The following MYOF variants were observed in gnomAD, a reference collection of about 807,000 sequenced individuals.
MYOF encodes the protein myoferlin.
MYOF carries 244 observed loss-of-function variants against 284.2 expected under a neutral mutation model. The ratio of observed to expected loss-of-function variants is 0.86; its 90% CI spans 0.77 to 0.95. MYOF has a LOEUF of 0.95. MYOF is among the 40% of genes least tolerant of loss of function. The pLI, the probability that MYOF is intolerant of heterozygous loss-of-function variation, is 0.00. For synonymous variants in MYOF, 904 were observed against 919.7 expected (o/e 0.98, Z 0.31); for missense variants, 2,496 against 2,560.6 (o/e 0.97, Z 0.54).
chr10:93,392,429 A>G (rs577591072), intron 17 of MYOF, among the ~76,000 whole-genome samples: 1 of 152,326 alleles, frequency 6.6e-6, no homozygotes, highest in Admixed American at 6.5e-5. Context: ...ACTTGCAAAA[A>G]ATGACGAGTT....
intron 37 of MYOF, among the ~76,000 whole-genome samples, chr10:93,346,959 C>T (rs1844211257): frequency 6.6e-6 from 1 of 152,186 alleles, no homozygotes; most frequent in South Asian, 2.1e-4. Flanking sequence ...CCCTGCTTTG[C>T]AAGCTGCTTG....
rs146225814 is a variant in MYOF at position 93,325,937 on chromosome 10, G to A, written c.5160C>T (p.Leu1720=). 2.5e-4 allele frequency: 404 copies of A among 1,614,060 alleles called. No individual in the cohort carries two copies. The highest frequency in any genetic ancestry group is 5.8e-4 in the Admixed American group (35 of 60,008). ...GAGCAAGCCGCTCTTCAGGGGCCCC[G>A]AGGTGCTGGTGCAGGATTTTGTTGG... is the stretch of plus-strand genomic sequence containing the variant. ...FEANKILHQH[L]GAPEERLALH... The change falls in exon 46 of 54, where the codon CTC becomes CTT. Residue 1720 remains leucine, a synonymous_variant. Coordinates refer to ENST00000359263, the MANE Select transcript of MYOF (RefSeq NM_013451.4).
intron 1 of MYOF, among the ~76,000 whole-genome samples, chr10:93,476,453 T>C (rs1455526890): frequency 3.3e-5 from 5 of 151,998 alleles, no homozygotes; most frequent in African/African-American, 9.7e-5. Context: ...GGTTTCACCA[T>C]GTTGGCCAGG....
At chr10:93,369,495 C>A (rs534001769) in intron 25 of MYOF, 150 bp downstream of exon 25, 1 of 1,081,652 alleles carries the variant, frequency 9.2e-7, no homozygotes, top group South Asian at 1.7e-5. Flanking sequence ...TCTCTTATCC[C>A]TTAGGTTAAG....
chr10:93,407,195 G>A (rs984066335), intron 7 of MYOF, among the ~76,000 whole-genome samples: 2 of 152,070 alleles, frequency 1.3e-5, no homozygotes, highest in African/African-American at 4.8e-5. Flanking sequence ...GGAGGCCAAG[G>A]TAGGTGGAAC....
chr10:93,353,544 T>A (rs2133896269), intron 32 of MYOF, among the ~76,000 whole-genome samples: 1 of 152,256 alleles, frequency 6.6e-6, no homozygotes, highest in South Asian at 2.1e-4. Context: ...AGAAATCACT[T>A]TCTCGGTGCT....
At chr10:93,327,501 G>C (rs911146888) in intron 45 of MYOF, among the ~76,000 whole-genome samples, 2 of 152,042 alleles carry the variant, frequency 1.3e-5, no homozygotes, top group African/African-American at 4.8e-5. Context: ...AAAACTGTGA[G>C]GAAAACAAAA....
At chr10:93,323,517 G>A (rs1842923347) in intron 46 of MYOF, 159 bp from the exon 47 acceptor site, 3 of 680,476 alleles carry the variant, frequency 4.4e-6, no homozygotes, top group African/African-American at 3.6e-5. Flanking sequence ...GCAAACCAAG[G>A]TTAATCTTTT....
chr10:93,451,336 G>GA (rs2056584538), intron 3 of MYOF, among the ~76,000 whole-genome samples: 2 of 151,992 alleles, frequency 1.3e-5, no homozygotes, highest in South Asian at 4.1e-4. Context: ...TCAAAAAAAA[G>GA]AAAAAAACCT....
intron 38 of MYOF, among the ~76,000 whole-genome samples, chr10:93,340,825 C>T (rs1368048368): frequency 1.3e-5 from 2 of 152,050 alleles, no homozygotes; most frequent in East Asian, 1.9e-4. Flanking sequence ...GAATGAAGAA[C>T]TGGGAAGGGG....
intron 45 of MYOF, among the ~76,000 whole-genome samples, chr10:93,327,113 G>T (rs1214983504): frequency 6.6e-6 from 1 of 152,008 alleles, no homozygotes; most frequent in Non-Finnish European, 1.5e-5. Context: ...GTTTTCTGGG[G>T]ACCCTCACTC....
chr10:93,405,954 T>C (rs1847544039), intron 7 of MYOF, among the ~76,000 whole-genome samples: 1 of 149,432 alleles, frequency 6.7e-6, no homozygotes, highest in Admixed American at 6.7e-5. Context: ...CCCATCACCA[T>C]GCCAGGCTAA....
chr10:93,432,086 A>C lies in MYOF; in HGVS notation c.237-570T>G, dbSNP rs1848899004. ...GTCATGAATGAGATAGAGGGGCAAG[A>C]GGTAAAGACTGAATAGAGTGGCCAG... On this transcript the variant is annotated intron_variant, in intron 3 of 53. Transcript: ENST00000359263. Among the ~76,000 whole-genome samples, 3 of 152,162 alleles carry C rather than the reference A, an allele frequency of 2.0e-5. No individual in the cohort carries two copies. The South Asian group carries it at 6.2e-4, about 32-fold the overall frequency.
chr10:93,366,339 T>C lies in MYOF; in HGVS notation c.2753+53A>G. On this transcript the variant is annotated intron_variant, in intron 26 of 53. Transcript: ENST00000359263. ...CGGAGATATAATATATTTAGCAATT[T>C]CTAGAGAAAGATTTCATTGCTATCC... 2.6e-6 allele frequency: 4 copies of C among 1,567,068 alleles called. No homozygotes were observed. In the South Asian group the frequency reaches 4.6e-5, roughly 18 times the overall value.
chr10:93,343,599 G>A (rs1314906827), intron 38 of MYOF, among the ~76,000 whole-genome samples: 2 of 152,190 alleles, frequency 1.3e-5, no homozygotes, highest in African/African-American at 2.4e-5. Context: ...GGGAGGTGGG[G>A]CCTGGGCATG....
chr10:93,441,973 T>C (rs1018513703), intron 3 of MYOF, among the ~76,000 whole-genome samples: 1 of 148,750 alleles, frequency 6.7e-6, no homozygotes, highest in Non-Finnish European at 1.5e-5. Flanking sequence ...ACTTTCAAGT[T>C]TTAGCACCCT....
chr10:93,349,153 A>T (rs1162972915), intron 36 of MYOF, among the ~76,000 whole-genome samples: 5 of 151,008 alleles, frequency 3.3e-5, no homozygotes, highest in African/African-American at 1.2e-4. Context: ...AAAAAGAAAG[A>T]TTTTTTTTTT....
rs1589501292 is a variant in MYOF at position 93,397,066 on chromosome 10, G to A, written c.1334+181C>T. 9 of 508,622 alleles carry A rather than the reference G, an allele frequency of 1.8e-5. No homozygotes were observed. The East Asian group carries it at 2.3e-4, about 13-fold the overall frequency. 31.5% of individuals were successfully genotyped at this position (508,622 alleles called of 1,614,324 possible). A position where few individuals can be genotyped will look rare whatever the true frequency, so the allele number is the denominator to read the frequency against. On this transcript the variant is annotated intron_variant, in intron 15 of 53. Coordinates refer to ENST00000359263, the MANE Select transcript of MYOF (RefSeq NM_013451.4). ...GAGCAGTTGAACCGAAATAATCGAA[G>A]CTTTTTTTGCAGTAACACTATTATT...
intron 37 of MYOF, among the ~76,000 whole-genome samples, chr10:93,345,903 C>A (rs1844164870): frequency 1.3e-5 from 2 of 152,188 alleles, no homozygotes. Flanking sequence ...CCAGCCCACC[C>A]CTGAGCAATA....
Sources: gnomAD v4.1 joint callset for allele counts (sites outside exome capture counted in the v4.1 genomes callset) on GRCh38, gnomAD v4.1.1 for gene constraint, MANE v1.5 for transcripts, NCBI Gene and HGNC (gene_info 2026-07-23, HGNC 2026-07-21) for gene names.